The following HEATR4 variants were observed in gnomAD, a reference collection of about 807,000 sequenced individuals.
The protein encoded by HEATR4 is HEAT repeat containing 4.
HEATR4 carries 95 observed loss-of-function variants against 108.8 expected under a neutral mutation model. That is an observed-to-expected ratio of 0.87 (90% CI 0.74 to 1.04). The LOEUF (loss-of-function observed/expected upper bound fraction) is 1.04. HEATR4 is among the 50% of genes least tolerant of loss of function. The probability of loss-of-function intolerance (pLI) is 0.00; values close to 1 mark genes in which losing one functional copy is unlikely to be tolerated. For missense variants in HEATR4, 1,152 were observed against 1,253.8 expected (o/e 0.92, Z 1.23); for synonymous variants, 443 against 459.4 (o/e 0.96, Z 0.46).
At chr14:73,565,918 T>C in the HEATR4 span, among the ~76,000 whole-genome samples, 1 of 152,024 alleles carries the variant, frequency 6.6e-6, no homozygotes, top group Non-Finnish European at 1.5e-5. Flanking sequence ...TTTATTCTCT[T>C]ATCTGGCCCC....
At chr14:73,573,542 T>C in the HEATR4 span, 3 of 1,613,592 alleles carry the variant, frequency 1.9e-6, no homozygotes, top group African/African-American at 2.7e-5. Flanking sequence ...AGACGCTCCA[T>C]CTGGAGTACT....
At chr14:73,573,720 ACTT>A in the HEATR4 span, 10 of 1,121,614 alleles carry the variant, frequency 8.9e-6, no homozygotes, top group Non-Finnish European at 1.2e-5. Flanking sequence ...TTTTTTAGTC[ACTT>A]CTTATAGACA....
At chr14:73,500,772 T>A in intron 11 of HEATR4, 42 bp from the exon 12 acceptor site, 2 of 1,586,232 alleles carry the variant, frequency 1.3e-6, no homozygotes, top group East Asian at 4.5e-5. Flanking sequence ...CCTTAAACTT[T>A]CAGTACCTAA....
chr14:73,481,720 C>T (rs958108989), intron 17 of HEATR4, among the ~76,000 whole-genome samples: 1 of 152,082 alleles, frequency 6.6e-6, no homozygotes, highest in African/African-American at 2.4e-5. Context: ...TGGCGGGCAC[C>T]TGTAGTCCCA....
In HEATR4 at chr14:73,537,408, G is replaced by C. The variant is rs111952950; in HGVS notation, c.-151-7164C>G. The C allele has an allele frequency of 0.01, 12,421 of 1,234,428 alleles. 3,368 individuals are homozygous for C. The African/African-American group carries it at 0.17, about 17-fold the overall frequency. The allele number at this position is 1,234,428 out of a possible 1,614,324, so 76.5% of individuals were successfully genotyped here. A position where few individuals can be genotyped will look rare whatever the true frequency, so the allele number is the denominator to read the frequency against. On this transcript the variant is annotated intron_variant, in intron 1 of 17. Transcript: ENST00000553558. The stretch of plus-strand genomic sequence containing the variant: ...CTGAGGCAGTTTGGCCGGATTATTT[G>C]GGTTCCTGCTCGGATGGCGGCGACG...
At chr14:73,588,550 C>T in the HEATR4 span, among the ~76,000 whole-genome samples, 9 of 152,160 alleles carry the variant, frequency 5.9e-5, no homozygotes, top group South Asian at 2.1e-4. Flanking sequence ...CTTCAACATT[C>T]GATGACAGGA....
the HEATR4 span, among the ~76,000 whole-genome samples, chr14:73,585,596 TGA>T: frequency 2.0e-5 from 3 of 151,402 alleles, no homozygotes; most frequent in Admixed American, 2.0e-4. Context: ...GGCTGAGGCA[TGA>T]GAGTCACTTG....
At chr14:73,491,553 C>A (rs750176031) in intron 17 of HEATR4, 6 of 1,535,862 alleles carry the variant, frequency 3.9e-6, no homozygotes, top group Non-Finnish European at 5.2e-6. Flanking sequence ...GGTGGGGAGC[C>A]GGCCTGGGAC....
intron 7 of HEATR4, among the ~76,000 whole-genome samples, chr14:73,511,265 CA>C (rs1887232135): frequency 6.6e-6 from 1 of 152,054 alleles, no homozygotes; most frequent in Non-Finnish European, 1.5e-5. Context: ...GTAATCCCAG[CA>C]CTTTGGGAGG....
intron 5 of HEATR4, among the ~76,000 whole-genome samples, chr14:73,515,633 TCG>T (rs1887553964): frequency 8.0e-6 from 1 of 124,594 alleles, no homozygotes; most frequent in Admixed American, 1.1e-4. Context: ...TGAGCTGAGA[TCG>T]CGCTCCAACC....
chr14:73,573,205 A>G, the HEATR4 span, among the ~76,000 whole-genome samples: 4 of 151,684 alleles, frequency 2.6e-5, no homozygotes, highest in African/African-American at 9.7e-5. Flanking sequence ...TTTGGCTACA[A>G]CGAGTAAAGT....
At chr14:73,575,250 G>T in the HEATR4 span, 1 of 878,742 alleles carries the variant, frequency 1.1e-6, no homozygotes, top group Non-Finnish European at 1.6e-6. Flanking sequence ...TGAGTTCTAT[G>T]CTAATGAGGC....
the HEATR4 span, chr14:73,612,579 C>A: frequency 7.1e-7 from 1 of 1,399,374 alleles, no homozygotes; most frequent in Admixed American, 2.7e-5. Flanking sequence ...GGGATGGCAG[C>A]GACGCTGATC....
chr14:73,542,606 A>C (rs1255809473), intron 1 of HEATR4, among the ~76,000 whole-genome samples: 1 of 107,516 alleles, frequency 9.3e-6, no homozygotes, highest in East Asian at 7.3e-4. Context: ...GGGTTTCACC[A>C]TATTGGCCAG....
At chr14:73,510,823 T>A (rs1887205393) in intron 7 of HEATR4, among the ~76,000 whole-genome samples, 1 of 152,190 alleles carries the variant, frequency 6.6e-6, no homozygotes, top group African/African-American at 2.4e-5. Context: ...TGGGTGAATT[T>A]ATGCTTTACA....
chr14:73,504,156 C>T (rs1257458870), intron 10 of HEATR4, among the ~76,000 whole-genome samples: 4 of 150,488 alleles, frequency 2.7e-5, no homozygotes, highest in African/African-American at 9.8e-5. Flanking sequence ...CGGCTCACTG[C>T]AACCTCCGCC....
At chr14:73,563,273 T>C (rs1330022773), upstream of HEATR4, among the ~76,000 whole-genome samples, 1 of 152,022 alleles carries the variant, frequency 6.6e-6, no homozygotes, top group Admixed American at 6.6e-5. Context: ...AATAGTTTAA[T>C]GGGTAAAGAC....
chr14:73,507,367 C>G (rs890607044), intron 9 of HEATR4, among the ~76,000 whole-genome samples: 6 of 152,294 alleles, frequency 3.9e-5, no homozygotes, highest in Middle Eastern at 6.8e-3. Context: ...TTTACTCATG[C>G]TTATTCTACG....
chr14:73,528,678 A>G (rs757168639), intron 2 of HEATR4, among the ~76,000 whole-genome samples: 5 of 152,188 alleles, frequency 3.3e-5, no homozygotes, highest in Non-Finnish European at 7.3e-5. Flanking sequence ...TACCTGTTCT[A>G]ATTTAGTGTT....
Sources: gnomAD v4.1 joint callset for allele counts (sites outside exome capture counted in the v4.1 genomes callset) on GRCh38, gnomAD v4.1.1 for gene constraint, MANE v1.5 for transcripts, NCBI Gene and HGNC (gene_info 2026-07-23, HGNC 2026-07-21) for gene names.